CCDC158: variants seen among roughly 807,000 people sequenced by gnomAD.
The protein encoded by CCDC158 is coiled-coil domain containing 158, also known as coiled-coil domain-containing protein 158.
Under a neutral mutation model 138.6 loss-of-function variants are expected in CCDC158, and 116 were observed. That is an observed-to-expected ratio of 0.84 (90% CI 0.72 to 0.98). The LOEUF is 0.98. Ranked by LOEUF, CCDC158 falls within the 50% of genes least tolerant of loss-of-function variation. The pLI is 0.00. For synonymous variants in CCDC158, 436 were observed against 442.4 expected (o/e 0.99, Z 0.18); for missense variants, 1,265 against 1,306.1 (o/e 0.97, Z 0.48).
chr4:76,402,156 A>C (rs559156693), intron 3 of CCDC158: 2 of 152,320 alleles, frequency 1.3e-5, no homozygotes, highest in East Asian at 1.9e-4. Context: ...TAGACCATTA[A>C]ATTGAAAAGA....
intron 18 of CCDC158, among the ~76,000 whole-genome samples, chr4:76,350,783 A>G (rs1484247962): frequency 6.6e-6 from 1 of 152,238 alleles, no homozygotes; most frequent in Non-Finnish European, 1.5e-5. Context: ...GGAAATAACC[A>G]AAGAATTGAA....
chr4:76,369,684 T>C (rs1348742037), intron 10 of CCDC158, 61 bp from the exon 11 acceptor site: 26 of 1,428,948 alleles, frequency 1.8e-5, no homozygotes, highest in Non-Finnish European at 2.5e-5. Context: ...ATAAAACATA[T>C]TGTCTTTATA....
intron 4 of CCDC158, among the ~76,000 whole-genome samples, chr4:76,394,706 A>G (rs1727618374): frequency 6.6e-6 from 1 of 152,150 alleles, no homozygotes; most frequent in Non-Finnish European, 1.5e-5. Context: ...TGATTTTTTT[A>G]CACATTGCAT....
intron 11 of CCDC158, among the ~76,000 whole-genome samples, chr4:76,369,151 G>A (rs1724980818): frequency 6.6e-6 from 1 of 152,096 alleles, no homozygotes; most frequent in Non-Finnish European, 1.5e-5. Context: ...GGAGGTGGAG[G>A]TTGCAGTGAG....
intron 8 of CCDC158, among the ~76,000 whole-genome samples, chr4:76,380,847 C>A (rs111771094): frequency 6.6e-6 from 1 of 152,190 alleles, no homozygotes; most frequent in Non-Finnish European, 1.5e-5. Context: ...TCGCTCTGTG[C>A]GTCCTCGGTA....
At chr4:76,372,323 G>C (rs1227810203) in intron 9 of CCDC158, among the ~76,000 whole-genome samples, 1 of 151,814 alleles carries the variant, frequency 6.6e-6, no homozygotes, top group East Asian at 2.0e-4. Context: ...TGCACACCTG[G>C]GGTCCCAGCT....
intron 3 of CCDC158, among the ~76,000 whole-genome samples, chr4:76,398,258 A>G (rs949467798): frequency 6.6e-6 from 1 of 152,238 alleles, no homozygotes; most frequent in African/African-American, 2.4e-5. Flanking sequence ...GTAGCAGGAT[A>G]TTCACAAGGT....
At chr4:76,368,954 G>A (rs906910122) in intron 11 of CCDC158, among the ~76,000 whole-genome samples, 9 of 152,168 alleles carry the variant, frequency 5.9e-5, no homozygotes, top group Non-Finnish European at 8.8e-5. Flanking sequence ...AGTGGCTCAC[G>A]CCTGTAATCT....
intron 22 of CCDC158, among the ~76,000 whole-genome samples, chr4:76,328,182 T>C (rs1720695368): frequency 6.6e-6 from 1 of 152,246 alleles, no homozygotes; most frequent in African/African-American, 2.4e-5. Flanking sequence ...ATCTTATCTA[T>C]AATTCTTTGG....
chr4:76,369,251 T>A (rs28738726), intron 11 of CCDC158, among the ~76,000 whole-genome samples, 175 bp downstream of exon 11: 4,441 of 152,012 alleles, frequency 0.029, 217 homozygotes, highest in African/African-American at 0.1. Flanking sequence ...AAAAATGAAA[T>A]AAAATGAAAA....
chr4:76,392,651 G>GAGAA (rs1383498757), intron 4 of CCDC158, among the ~76,000 whole-genome samples: 4 of 151,772 alleles, frequency 2.6e-5, no homozygotes, highest in Admixed American at 2.0e-4. Flanking sequence ...CAATCACATA[G>GAGAA]AGAAAGAAAG....
At chr4:76,368,400 A>G (rs1024057673) in intron 11 of CCDC158, among the ~76,000 whole-genome samples, 11 of 152,224 alleles carry the variant, frequency 7.2e-5, no homozygotes, top group African/African-American at 2.7e-4. Context: ...GAAAATTCTA[A>G]CTTCCAGTTG....
chr4:76,366,577 GGT>G (rs1724684903), intron 12 of CCDC158, among the ~76,000 whole-genome samples: 2 of 151,538 alleles, frequency 1.3e-5, no homozygotes, highest in Non-Finnish European at 2.9e-5. Context: ...TGTGTACCCT[GGT>G]TGAAGAAGTC....
intron 24 of CCDC158, among the ~76,000 whole-genome samples, chr4:76,320,543 A>G (rs2110072125): frequency 6.6e-6 from 1 of 152,352 alleles, no homozygotes; most frequent in Non-Finnish European, 1.5e-5. Flanking sequence ...TTCAAACTAT[A>G]CTACAAGGCT....
intron 7 of CCDC158, among the ~76,000 whole-genome samples, chr4:76,383,194 C>T (rs1206746039): frequency 6.6e-6 from 1 of 152,196 alleles, no homozygotes; most frequent in Non-Finnish European, 1.5e-5. Context: ...AACCTTTGGC[C>T]TGCCTAGCCC....
chr4:76,401,208 T>A (rs1393620712), intron 3 of CCDC158: 1 of 340,660 alleles, frequency 2.9e-6, no homozygotes, highest in Non-Finnish European at 5.8e-6. Flanking sequence ...GATAGGAGCT[T>A]AAAAGAAAAA....
intron 18 of CCDC158, among the ~76,000 whole-genome samples, chr4:76,347,850 A>G (rs764138881): frequency 5.9e-5 from 9 of 152,200 alleles, no homozygotes; most frequent in Non-Finnish European, 1.3e-4. Flanking sequence ...AAGGGAAAAA[A>G]TCGACACAGG....
At chr4:76,333,961 A>C in intron 19 of CCDC158, 49 bp downstream of exon 19, 10 of 1,398,768 alleles carry the variant, frequency 7.1e-6, no homozygotes, top group Non-Finnish European at 8.7e-6. Context: ...ACTCAATGGC[A>C]AACCATTCAA....
chr4:76,389,637 C>T (rs1027281868), intron 4 of CCDC158, among the ~76,000 whole-genome samples: 1 of 152,122 alleles, frequency 6.6e-6, no homozygotes, highest in Non-Finnish European at 1.5e-5. Context: ...GCAGATTTAA[C>T]TCAAAGAAGA....
Sources: gnomAD v4.1 joint callset for allele counts (sites outside exome capture counted in the v4.1 genomes callset) on GRCh38, gnomAD v4.1.1 for gene constraint, MANE v1.5 for transcripts, NCBI Gene and HGNC (gene_info 2026-07-23, HGNC 2026-07-21) for gene names.